The following INPP4B variants were observed in gnomAD, a reference collection of about 807,000 sequenced individuals.
The protein encoded by INPP4B is inositol polyphosphate 4-phosphatase type II.
In INPP4B, 55 loss-of-function variants were observed where a neutral mutation model predicts 122.5. The ratio of observed to expected loss-of-function variants is 0.45; its 90% confidence interval spans 0.36 to 0.56. The LOEUF (loss-of-function observed/expected upper bound fraction) is 0.56, where lower values mean the gene tolerates loss of function less well. Among genes scored for constraint, INPP4B ranks in the 20% least tolerant of loss-of-function variants. INPP4B has a pLI of 0.00. For missense variants in INPP4B, 1,000 were observed against 1,097.7 expected (o/e 0.91, Z 1.26); for synonymous variants, 403 against 388.7 (o/e 1.04, Z -0.43).
chr4:142,644,876 A>G (rs1258056577), intron 2 of INPP4B, among the ~76,000 whole-genome samples: 1 of 138,764 alleles, frequency 7.2e-6, no homozygotes, highest in Non-Finnish European at 1.5e-5. Context: ...ACTGCACTCC[A>G]GCCTGAGTGA....
chr4:142,189,914 A>G (rs1289482208), intron 15 of INPP4B, among the ~76,000 whole-genome samples: 2 of 152,098 alleles, frequency 1.3e-5, no homozygotes, highest in African/African-American at 4.8e-5. Flanking sequence ...AGTCTCCCTA[A>G]TTATCTTGTA....
intron 7 of INPP4B, among the ~76,000 whole-genome samples, chr4:142,360,921 A>G (rs1785170910): frequency 6.6e-6 from 1 of 151,952 alleles, no homozygotes; most frequent in African/African-American, 2.4e-5. Context: ...GCAAATATTT[A>G]TATATACATA....
At chr4:142,490,902 T>A (rs1821789804) in intron 2 of INPP4B, among the ~76,000 whole-genome samples, 1 of 152,222 alleles carries the variant, frequency 6.6e-6, no homozygotes, top group African/African-American at 2.4e-5. Flanking sequence ...GATTTCCTAC[T>A]TTTTAAGGCT....
chr4:142,495,899 C>T (rs553511256), intron 2 of INPP4B, among the ~76,000 whole-genome samples: 9 of 152,162 alleles, frequency 5.9e-5, no homozygotes, highest in East Asian at 5.8e-4. Flanking sequence ...AGGTGAATAC[C>T]GAATCCTCAT....
At chr4:142,822,005 T>C (rs1780851478) in intron 1 of INPP4B, among the ~76,000 whole-genome samples, 1 of 152,146 alleles carries the variant, frequency 6.6e-6, no homozygotes, top group Admixed American at 6.6e-5. Context: ...CATGGGAAGA[T>C]GGCCTTCATT....
chr4:142,737,904 A>G (rs2150906023), intron 1 of INPP4B, among the ~76,000 whole-genome samples: 1 of 152,360 alleles, frequency 6.6e-6, no homozygotes, highest in African/African-American at 2.4e-5. Context: ...CAAAACCACG[A>G]TGAGATACCA....
At chr4:142,293,053 T>C (rs1337141188) in intron 9 of INPP4B, among the ~76,000 whole-genome samples, 1 of 151,802 alleles carries the variant, frequency 6.6e-6, no homozygotes, top group African/African-American at 2.4e-5. Flanking sequence ...TTTTTTTTTT[T>C]TTAAGACAGA....
intron 15 of INPP4B, among the ~76,000 whole-genome samples, chr4:142,177,000 G>T (rs549491400): frequency 1.3e-5 from 2 of 151,948 alleles, no homozygotes; most frequent in Non-Finnish European, 2.9e-5. Context: ...TTTTCATCAT[G>T]ATTTCATCTT....
Position 142,730,280 on chromosome 4 carries a change from AT to A in INPP4B, c.-253-4380del, listed in dbSNP as rs949570229. The stretch of plus-strand genomic sequence containing the variant: ...TGCTTTAAGGGGTCAAAGTTTTCCA[AT>A]TTCACATCATATGATATTAGTTTTT... On this transcript the variant is annotated intron_variant, in intron 1 of 25. Coordinates refer to ENST00000262992, the MANE Select transcript of INPP4B (RefSeq NM_001101669.3). Among the ~76,000 whole-genome samples, 45 of 152,174 alleles carry A rather than the reference AT, an allele frequency of 3.0e-4. 1 individual carries two copies. Among genetic ancestry groups the A allele is most frequent in the Non-Finnish European group, 6.5e-4 (44 of 68,032 alleles).
intron 21 of INPP4B, among the ~76,000 whole-genome samples, chr4:142,114,550 A>G (rs1791985781): frequency 6.6e-6 from 1 of 152,050 alleles, no homozygotes; most frequent in Non-Finnish European, 1.5e-5. Flanking sequence ...CTTATAAATC[A>G]TTCATATATC....
intron 1 of INPP4B, among the ~76,000 whole-genome samples, chr4:142,797,541 G>A (rs1777424884): frequency 6.6e-6 from 1 of 151,682 alleles, no homozygotes; most frequent in African/African-American, 2.4e-5. Flanking sequence ...AATGAAGACA[G>A]AAAATATTTG....
At chr4:142,211,756 C>T (rs923444135) in intron 12 of INPP4B, among the ~76,000 whole-genome samples, 1 of 152,130 alleles carries the variant, frequency 6.6e-6, no homozygotes, top group African/African-American at 2.4e-5. Flanking sequence ...GTTATTAAGT[C>T]CTCTGCCTTT....
At chr4:142,842,736 AATATAAT>A (rs1783682986) in intron 1 of INPP4B, among the ~76,000 whole-genome samples, 1 of 132,086 alleles carries the variant, frequency 7.6e-6, no homozygotes, top group Non-Finnish European at 1.6e-5. Context: ...TTATAATATT[AATATAAT>A]ATATAATATA....
intron 2 of INPP4B, among the ~76,000 whole-genome samples, chr4:142,557,865 G>A (rs78224079): frequency 0.054 from 8,264 of 152,236 alleles, 274 homozygotes; most frequent in South Asian, 0.069. Flanking sequence ...TTCTATCTAT[G>A]GGCTCATTCA....
intron 2 of INPP4B, among the ~76,000 whole-genome samples, chr4:142,592,899 A>C (rs1361282829): frequency 2.6e-5 from 4 of 151,978 alleles, no homozygotes; most frequent in Admixed American, 2.6e-4. Context: ...TCAGGAGTTC[A>C]AGACCAGCCT....
chr4:142,258,452 C>T (rs1422899114), intron 11 of INPP4B, among the ~76,000 whole-genome samples: 4 of 152,304 alleles, frequency 2.6e-5, no homozygotes, highest in East Asian at 3.9e-4. Flanking sequence ...GCAACCTACT[C>T]ATCTGACAAA....
chr4:142,785,066 T>G (rs1775546969), intron 1 of INPP4B, among the ~76,000 whole-genome samples: 1 of 152,044 alleles, frequency 6.6e-6, no homozygotes, highest in Admixed American at 6.6e-5. Context: ...TGAATTACAT[T>G]TAGAAGATCA....
At chr4:142,161,000 G>A (rs560294832) in intron 16 of INPP4B, among the ~76,000 whole-genome samples, 1 of 151,984 alleles carries the variant, frequency 6.6e-6, no homozygotes, top group Non-Finnish European at 1.5e-5. Flanking sequence ...AGCCTAATAT[G>A]TTTTAAACAG....
chr4:142,505,419 G>A (rs756867551), intron 2 of INPP4B, among the ~76,000 whole-genome samples: 1 of 152,012 alleles, frequency 6.6e-6, no homozygotes, highest in South Asian at 2.1e-4. Flanking sequence ...AAGGGAGTGG[G>A]CCCACGGGCT....
Sources: gnomAD v4.1 joint callset for allele counts (sites outside exome capture counted in the v4.1 genomes callset) on GRCh38, gnomAD v4.1.1 for gene constraint, MANE v1.5 for transcripts, NCBI Gene and HGNC (gene_info 2026-07-23, HGNC 2026-07-21) for gene names.